MBTPS1: variants seen among roughly 807,000 people sequenced by gnomAD.
MBTPS1 encodes membrane-bound transcription factor site-1 protease.
A neutral mutation model predicts 127.8 loss-of-function variants in MBTPS1; 94 were observed. That is an observed-to-expected ratio of 0.74 (90% CI 0.62 to 0.87). The LOEUF is 0.87. MBTPS1 is among the 40% of genes least tolerant of loss of function. The pLI, the probability that MBTPS1 is intolerant of heterozygous loss-of-function variation, is 0.00. For missense variants in MBTPS1, 1,636 were observed against 1,353.2 expected, an observed-to-expected ratio of 1.21 and a Z score of -3.28; for synonymous variants, 632 against 509.4, an observed-to-expected ratio of 1.24 and a Z score of -3.24.
intron 1 of MBTPS1, among the ~76,000 whole-genome samples, chr16:84,115,504 TAAAC>T (rs1419577274): frequency 6.6e-6 from 1 of 152,232 alleles, no homozygotes; most frequent in East Asian, 1.9e-4. Flanking sequence ...CATAAATGCT[TAAAC>T]AAAATGTGGT....
intron 9 of MBTPS1, among the ~76,000 whole-genome samples, chr16:84,085,430 T>C (rs909093572): frequency 1.3e-5 from 2 of 151,926 alleles, no homozygotes; most frequent in African/African-American, 2.4e-5. Flanking sequence ...TAGCCAGATG[T>C]AGTGGCACAA....
rs553105721 is a variant in MBTPS1 at position 84,112,598 on chromosome 16, C to T, written c.-325+4137G>A. On this transcript the variant is annotated intron_variant, in intron 1 of 22. Transcript: ENST00000343411. ...AATGGCGTGAATCTGGGAGGCGGAGCTTCCAGGGAGCTGAGATCACGCCAC... is the reference window on the plus strand; with the variant it reads ...AATGGCGTGAATCTGGGAGGCGGAGTTTCCAGGGAGCTGAGATCACGCCAC... Among the ~76,000 whole-genome samples the T allele has an allele frequency of 3.4e-5, 5 of 146,574 alleles. No homozygotes were observed. In the East Asian group the frequency reaches 1.1e-3, roughly 31 times the overall value.
chr16:84,072,118 G>C (rs1032240092), intron 12 of MBTPS1: 1 of 152,296 alleles, frequency 6.6e-6, no homozygotes, highest in African/African-American at 2.4e-5. Context: ...GACCCGCCCA[G>C]TGGAGCACTA....
chr16:84,097,816 T>C (rs770009394), intron 3 of MBTPS1, among the ~76,000 whole-genome samples: 1 of 150,616 alleles, frequency 6.6e-6, no homozygotes, highest in Non-Finnish European at 1.5e-5. Context: ...CTGGTTTTAC[T>C]ATGAAAATTA....
At chr16:84,080,742 C>G (rs189828325) in intron 11 of MBTPS1, among the ~76,000 whole-genome samples, 1 of 152,266 alleles carries the variant, frequency 6.6e-6, no homozygotes, top group African/African-American at 2.4e-5. Flanking sequence ...CTGTGCGAGC[C>G]TCTTCCTCCC....
chr16:84,103,060 A>G (rs1035652926), intron 1 of MBTPS1, among the ~76,000 whole-genome samples: 8 of 152,236 alleles, frequency 5.3e-5, no homozygotes, highest in East Asian at 3.9e-4. Context: ...CTTCCAAAAC[A>G]TCTGAATTGT....
chr16:84,092,584 G>A (rs920399074), intron 6 of MBTPS1, among the ~76,000 whole-genome samples: 1 of 152,160 alleles, frequency 6.6e-6, no homozygotes, highest in Non-Finnish European at 1.5e-5. Flanking sequence ...GGGGACAGGG[G>A]TGGGGGTCTC....
chr16:84,101,169 G>A (rs949458419), intron 2 of MBTPS1, among the ~76,000 whole-genome samples: 13 of 151,242 alleles, frequency 8.6e-5, no homozygotes, highest in Non-Finnish European at 1.3e-4. Flanking sequence ...GAGTTGTGGC[G>A]GGTGCCTGTA....
At position 84,091,821 on chromosome 16, in the gene MBTPS1, C is replaced by T. The variant is rs375432685; in HGVS notation, c.874G>A (p.Ala292Thr). Residue 292 changes from alanine (A) to threonine (T), a missense_variant, in exon 7 of 23, where the codon GCC becomes ACC. By Grantham distance (58) the Ala-to-Thr change is moderately conservative. Transcript: ENST00000343411. ...QVSYTSWFLD[A>T]FNYAILKKID... ...TTCTTTAAAATGGCATAGTTGAAGG[C>T]GTCCAAAAACCAAGATGTGTAAGAT... is the stretch of plus-strand genomic sequence containing the variant. 5.6e-6 allele frequency: 9 copies of T among 1,612,810 alleles called. No individual in the cohort carries two copies. Among genetic ancestry groups the T allele is most frequent in the Non-Finnish European group, 7.6e-6 (9 of 1,178,942 alleles).
At chr16:84,090,728 A>G (rs769852779) in intron 8 of MBTPS1, 147 bp downstream of exon 8, 5 of 642,440 alleles carry the variant, frequency 7.8e-6, no homozygotes, top group Non-Finnish European at 1.4e-5. Context: ...ATCCTATAGT[A>G]TTTTTTTACA....
chr16:84,064,594 C>G (rs1218740382), intron 18 of MBTPS1, among the ~76,000 whole-genome samples: 1 of 152,100 alleles, frequency 6.6e-6, no homozygotes, highest in Non-Finnish European at 1.5e-5. Flanking sequence ...ACCCACCTAC[C>G]AAAAACAAGG....
chr16:84,089,538 A>C (rs1045868576), intron 8 of MBTPS1, among the ~76,000 whole-genome samples: 1 of 152,232 alleles, frequency 6.6e-6, no homozygotes, highest in Non-Finnish European at 1.5e-5. Context: ...ACGCACAAAA[A>C]AGAAAAAGAG....
chr16:84,081,851 C>A lies in MBTPS1; in HGVS notation c.1344G>T (p.Ala448=). The change falls in exon 11 of 23, where the codon GCG becomes GCT. Residue 448 remains alanine (A), a synonymous_variant. Transcript: ENST00000343411. The part of the protein sequence containing the change: ...NPASMKQALI[A]SARRLPGVNM... ...TGACCCCGGGGAGCCTCCGGGCTGA[C>A]GCGATCAGGGCCTGCTTCATACTGG... 2 of 1,525,844 alleles carry A rather than the reference C, an allele frequency of 1.3e-6. No individual in the cohort carries two copies. Among genetic ancestry groups the A allele is most frequent in the Non-Finnish European group, 8.8e-7 (1 of 1,135,048 alleles). 94.5% of individuals were successfully genotyped at this position (1,525,844 alleles called of 1,614,324 possible).
rs2085712069 is a variant in MBTPS1, at chr16:84,067,966, G to C, written c.2072-143C>G. ...TGTGCCACCCTGTACCACTTTAAAA[G>C]GGACTAAAAAGTAGAGGACCAGGAT... is the stretch of plus-strand genomic sequence containing the variant. On this transcript the variant is annotated intron_variant, in intron 15 of 22. Transcript: ENST00000343411. 8 of 709,986 alleles carry C rather than the reference G, an allele frequency of 1.1e-5. No homozygotes were observed. The South Asian group carries it at 1.5e-4, about 14-fold the overall frequency. The allele number at this position is 709,986 out of a possible 1,614,324, so 44.0% of individuals were successfully genotyped here.
intron 22 of MBTPS1, among the ~76,000 whole-genome samples, chr16:84,055,146 G>A (rs886423124): frequency 6.6e-6 from 1 of 152,238 alleles, no homozygotes; most frequent in East Asian, 1.9e-4. Context: ...TGAAAGCCAG[G>A]AGAGGCCATC....
At chr16:84,069,470 A>G (rs1252913052) in intron 14 of MBTPS1, among the ~76,000 whole-genome samples, 5 of 152,206 alleles carry the variant, frequency 3.3e-5, no homozygotes, top group Non-Finnish European at 5.9e-5. Context: ...AATTTAGGGC[A>G]ACAACAGCAA....
chr16:84,081,760 T>C lies in MBTPS1; in HGVS notation c.1435A>G (p.Lys479Glu). ...LRAYQILNSY[K>E]PQASLSPSYI... ...CGGTGCACTGACCTTGCCTGTGGCT[T>C]GTAGCTGTTGAGGATCTGATAGGCT... Residue 479 changes from lysine to glutamate, a missense_variant, in exon 11 of 23, where the codon AAG becomes GAG. By Grantham distance (56) the Lys-to-Glu change is moderately conservative (BLOSUM62 1). Coordinates refer to ENST00000343411, the MANE Select transcript of MBTPS1 (RefSeq NM_003791.4). 7.0e-7 allele frequency: 1 copy of C among 1,421,710 alleles called. No individual in the cohort carries two copies. Among genetic ancestry groups the C allele is most frequent in the Non-Finnish European group, 9.3e-7 (1 of 1,077,908 alleles). The allele number at this position is 1,421,710 out of a possible 1,614,324, so 88.1% of individuals were successfully genotyped here.
At chr16:84,070,109 A>T (rs187480373) in intron 13 of MBTPS1, 71 bp from the exon 14 acceptor site, 75 of 1,263,222 alleles carry the variant, frequency 5.9e-5, no homozygotes, top group African/African-American at 7.5e-5. Flanking sequence ...TGAAAACATC[A>T]TTTCTATTTA....
intron 2 of MBTPS1, among the ~76,000 whole-genome samples, chr16:84,101,101 C>A (rs1366067403): frequency 6.6e-6 from 1 of 151,696 alleles, no homozygotes; most frequent in Non-Finnish European, 1.5e-5. Context: ...GAGCTCGAGA[C>A]CAGCCTGGCC....
Sources: allele counts gnomAD v4.1 joint callset (sites outside exome capture counted in the v4.1 genomes callset), GRCh38; gene constraint gnomAD v4.1.1; transcripts MANE v1.5; gene names NCBI Gene and HGNC (gene_info 2026-07-23, HGNC 2026-07-21).